The following ASH1L variants were observed in gnomAD, a reference collection of about 807,000 sequenced individuals.
ASH1L encodes the protein histone-lysine N-methyltransferase ASH1L.
In ASH1L, 23 loss-of-function variants were observed where a neutral mutation model predicts 269.0. The observed-to-expected ratio is 0.09, with a 90% CI of 0.06 to 0.12. The LOEUF (loss-of-function observed/expected upper bound fraction) is 0.12, where lower values mean the gene tolerates loss of function less well. Ranked by LOEUF, ASH1L falls within the 10% of genes least tolerant of loss-of-function variation. The pLI is 1.00. For missense variants in ASH1L, 2,912 were observed against 3,567.8 expected (o/e 0.82, Z 4.68); for synonymous variants, 1,187 against 1,253.5 (o/e 0.95, Z 1.12).
rs182775939 is a variant in ASH1L at position 155,437,916 on chromosome 1, G to A, written c.5828+411C>T. 3.9e-5 allele frequency among the ~76,000 whole-genome samples: 6 copies of A among 152,284 alleles called. No homozygotes were observed. The South Asian group carries it at 8.3e-4, about 21-fold the overall frequency. ...GTCGCCCAGGTTGGAGTGCAGCGGT[G>A]CAATCTTGGCTCACTGCAGCCTCCT... On this transcript the variant is annotated intron_variant, in intron 5 of 27. Coordinates refer to ENST00000392403, the MANE Select transcript of ASH1L (RefSeq NM_018489.3).
intron 5 of ASH1L, among the ~76,000 whole-genome samples, chr1:155,427,810 A>G (rs1661275683): frequency 6.6e-6 from 1 of 152,132 alleles, no homozygotes; most frequent in South Asian, 2.1e-4. Flanking sequence ...TGGTGGTGAG[A>G]CCTGGTGGGA....
chr1:155,346,351 T>C (rs1315128630), intron 21 of ASH1L, 32 bp downstream of exon 21: 7 of 1,607,018 alleles, frequency 4.4e-6, no homozygotes, highest in East Asian at 2.2e-5. Flanking sequence ...CTCCTACTTA[T>C]AGATCAGAGT....
chr1:155,533,831 C>G (rs1309885613), intron 1 of ASH1L, among the ~76,000 whole-genome samples: 1 of 152,082 alleles, frequency 6.6e-6, no homozygotes, highest in African/African-American at 2.4e-5. Flanking sequence ...ATACATTCTA[C>G]TGGTTCTCCC....
At chr1:155,547,090 C>T (rs1339159318) in intron 1 of ASH1L, among the ~76,000 whole-genome samples, 1 of 150,502 alleles carries the variant, frequency 6.6e-6, no homozygotes, top group Non-Finnish European at 1.5e-5. Context: ...GTAACTGGGA[C>T]TACAGGCATG....
chr1:155,378,408 A>G lies in ASH1L; in HGVS notation c.6224-19T>C, dbSNP rs139363488. On this transcript the variant is annotated intron_variant, in intron 9 of 27. Coordinates refer to ENST00000392403, the MANE Select transcript of ASH1L (RefSeq NM_018489.3). ...TAGACATCTTGAAAAGAAAGCAAAG[A>G]ATAGTTTGTGAACATACAGGATAAT... is the stretch of plus-strand genomic sequence containing the variant. 8.9e-3 allele frequency: 14,389 copies of G among 1,612,358 alleles called. 97 individuals carry two copies. The highest frequency in any genetic ancestry group is 0.01 in the Non-Finnish European group (12,243 of 1,178,342).
intron 7 of ASH1L, among the ~76,000 whole-genome samples, chr1:155,380,997 C>CTGCA (rs1558048259): frequency 6.6e-6 from 1 of 151,938 alleles, no homozygotes; most frequent in Non-Finnish European, 1.5e-5. Context: ...CAACAATGGA[C>CTGCA]TGCATATATG....
rs536798481 is a variant in ASH1L at position 155,439,991 on chromosome 1, T to C, written c.5087-923A>G. 4.6e-5 allele frequency among the ~76,000 whole-genome samples: 7 copies of C among 152,116 alleles called. No individual in the cohort carries two copies. The South Asian group carries it at 1.2e-3, about 27-fold the overall frequency. ...TTATTTTATCATCAACTCTGGCCTA[T>C]AGACCCTTGTCTCAATTTGATATTT... On this transcript the variant is annotated intron_variant, in intron 4 of 27. Transcript: ENST00000392403.
intron 3 of ASH1L, among the ~76,000 whole-genome samples, chr1:155,477,317 T>C (rs568363670): frequency 1.6e-4 from 25 of 152,306 alleles, no homozygotes; most frequent in African/African-American, 5.8e-4. Flanking sequence ...TATGAAAACA[T>C]CAAAAGGTAT....
At position 155,366,860 on chromosome 1, in the gene ASH1L, C is replaced by G. The variant is rs1655469848; in HGVS notation, c.6686+3644G>C. 2.0e-5 allele frequency among the ~76,000 whole-genome samples: 3 copies of G among 151,956 alleles called. No individual in the cohort carries two copies. The South Asian group carries it at 6.2e-4, about 32-fold the overall frequency. On this transcript the variant is annotated intron_variant, in intron 12 of 27. Coordinates refer to ENST00000392403, the MANE Select transcript of ASH1L (RefSeq NM_018489.3). ...CTAATTTTTGTATTTTAAGTAGAGA[C>G]AGGGTTTCAGTCATCATGTTGGCTA...
At chr1:155,376,587 G>A (rs1351217884) in intron 10 of ASH1L, among the ~76,000 whole-genome samples, 1 of 152,132 alleles carries the variant, frequency 6.6e-6, no homozygotes, top group African/African-American at 2.4e-5. Flanking sequence ...GCTGAGGTAG[G>A]AGAATCACTT....
intron 6 of ASH1L, among the ~76,000 whole-genome samples, chr1:155,412,664 T>A (rs749361357): frequency 6.6e-6 from 1 of 151,906 alleles, no homozygotes; most frequent in African/African-American, 2.4e-5. Context: ...AAAGGGGGGA[T>A]TGTGGAAACC....
chr1:155,371,937 G>A (rs977845620), intron 10 of ASH1L, among the ~76,000 whole-genome samples: 4 of 149,104 alleles, frequency 2.7e-5, no homozygotes, highest in African/African-American at 9.9e-5. Flanking sequence ...CAGGTGATCC[G>A]CCTGCCTCGG....
intron 4 of ASH1L, among the ~76,000 whole-genome samples, chr1:155,443,375 T>C (rs912469719): frequency 2.0e-5 from 3 of 152,242 alleles, no homozygotes; most frequent in Non-Finnish European, 4.4e-5. Context: ...TTATGTTTCT[T>C]GGTAGTCTAG....
At chr1:155,489,181 T>C (rs1056367993) in intron 2 of ASH1L, among the ~76,000 whole-genome samples, 19 of 152,130 alleles carry the variant, frequency 1.2e-4, no homozygotes, top group African/African-American at 4.6e-4. Context: ...TTTTTGTTAC[T>C]ATAAATAATA....
At chr1:155,415,456 T>TAACCATC (rs1380706888) in intron 6 of ASH1L, among the ~76,000 whole-genome samples, 2 of 150,712 alleles carry the variant, frequency 1.3e-5, no homozygotes, top group Non-Finnish European at 3.0e-5. Flanking sequence ...AGAGAGAAGA[T>TAACCATC]AACCATCAGA....
At chr1:155,420,226 G>A (rs1045734723) in intron 5 of ASH1L, among the ~76,000 whole-genome samples, 4 of 151,768 alleles carry the variant, frequency 2.6e-5, no homozygotes, top group Non-Finnish European at 5.9e-5. Context: ...TCAGGAAGCT[G>A]AGGCAGGAGA....
At chr1:155,476,919 T>G (rs529857824) in intron 3 of ASH1L, among the ~76,000 whole-genome samples, 2 of 152,150 alleles carry the variant, frequency 1.3e-5, no homozygotes, top group South Asian at 2.1e-4. Flanking sequence ...GCTTACTATG[T>G]GATTACTTTT....
upstream of ASH1L, chr1:155,562,867 A>ACCGCCGCCACGG (rs1346710627): frequency 1.2e-5 from 4 of 330,894 alleles, no homozygotes; most frequent in South Asian, 1.9e-5. Flanking sequence ...ACGGCCACCA[A>ACCGCCGCCACGG]CCGCCGCCAC....
At chr1:155,349,196 A>C (rs1205651585) in intron 19 of ASH1L, 131 bp downstream of exon 19, 1 of 917,266 alleles carries the variant, frequency 1.1e-6, no homozygotes, top group East Asian at 2.5e-5. Context: ...ACATACCCCA[A>C]GGATACTCAA....
Sources: allele counts gnomAD v4.1 joint callset (sites outside exome capture counted in the v4.1 genomes callset), GRCh38; gene constraint gnomAD v4.1.1; transcripts MANE v1.5; gene names NCBI Gene and HGNC (gene_info 2026-07-23, HGNC 2026-07-21).